ABCC4: variants seen among roughly 807,000 people sequenced by gnomAD.
The protein encoded by ABCC4 is ATP-binding cassette sub-family C member 4.
In ABCC4, 102 loss-of-function variants were observed where a neutral mutation model predicts 168.5. The observed-to-expected ratio is 0.61, with a 90% CI of 0.52 to 0.71. The LOEUF is 0.71. Among genes scored for constraint, ABCC4 ranks in the 30% least tolerant of loss-of-function variants. ABCC4 has a pLI of 0.00. For synonymous variants in ABCC4, 617 were observed against 590.7 expected, an observed-to-expected ratio of 1.04 and a Z score of -0.65; for missense variants, 1,402 against 1,605.8, an observed-to-expected ratio of 0.87 and a Z score of 2.17.
At chr13:95,070,277 T>C (rs1209721569) in intron 25 of ABCC4, among the ~76,000 whole-genome samples, 1 of 152,034 alleles carries the variant, frequency 6.6e-6, no homozygotes, top group African/African-American at 2.4e-5. Flanking sequence ...GTGGAGAATA[T>C]AGTTTCAAAG....
intron 20 of ABCC4, among the ~76,000 whole-genome samples, chr13:95,085,769 A>G (rs539101683): frequency 3.9e-4 from 59 of 152,318 alleles, no homozygotes; most frequent in Middle Eastern, 6.8e-3. Context: ...AAAACCAAGA[A>G]GAGGCAACAT....
chr13:95,150,023 G>A (rs1053750658), intron 19 of ABCC4, among the ~76,000 whole-genome samples: 1 of 152,170 alleles, frequency 6.6e-6, no homozygotes, highest in Admixed American at 6.5e-5. Context: ...CTAGGCTTGG[G>A]GGGGCAATAC....
rs913674544 is a variant in ABCC4, at chr13:95,188,945, G to A, written c.1264-403C>T. 7.2e-5 allele frequency among the ~76,000 whole-genome samples: 11 copies of A among 152,056 alleles called. 1 individual carries two copies. In the South Asian group the frequency reaches 1.0e-3, roughly 14 times the overall value. The stretch of plus-strand genomic sequence containing the variant: ...CAGAACGTGCAGGTTTGTTACATAG[G>A]TATACATGTGCCATGGTGGTTTGCT... On this transcript the variant is annotated intron_variant, in intron 9 of 30. Transcript: ENST00000645237.
chr13:95,291,170 A>G (rs1278960920), intron 1 of ABCC4, among the ~76,000 whole-genome samples: 4 of 151,924 alleles, frequency 2.6e-5, no homozygotes, highest in African/African-American at 7.3e-5. Context: ...TCTGGGCAAC[A>G]TGGCAAAACC....
intron 1 of ABCC4, among the ~76,000 whole-genome samples, chr13:95,252,481 GA>G (rs1362364404): frequency 4.6e-5 from 7 of 152,106 alleles, no homozygotes; most frequent in Non-Finnish European, 7.4e-5. Context: ...TTCAAAACCA[GA>G]CTGGCCAGCA....
intron 3 of ABCC4, among the ~76,000 whole-genome samples, chr13:95,241,650 A>G (rs191543619): frequency 2.0e-5 from 3 of 152,266 alleles, no homozygotes; most frequent in African/African-American, 7.2e-5. Flanking sequence ...TGTTCTAATT[A>G]GCATTTGCCT....
At chr13:95,170,007 C>G (rs1044294144) in intron 14 of ABCC4, among the ~76,000 whole-genome samples, 1 of 152,132 alleles carries the variant, frequency 6.6e-6, no homozygotes, top group African/African-American at 2.4e-5. Flanking sequence ...CAAGTGTGCA[C>G]CATCATGCTG....
At chr13:95,039,951 G>A (rs1420171094) in intron 29 of ABCC4, among the ~76,000 whole-genome samples, 2 of 152,142 alleles carry the variant, frequency 1.3e-5, no homozygotes, top group African/African-American at 4.8e-5. Flanking sequence ...GGGTGGGAGG[G>A]TTTCCATTTC....
intron 19 of ABCC4, among the ~76,000 whole-genome samples, chr13:95,150,466 A>C (rs995866572): frequency 6.6e-6 from 1 of 152,076 alleles, no homozygotes; most frequent in Non-Finnish European, 1.5e-5. Flanking sequence ...CCTCTCAAAA[A>C]TGTCCTGTTT....
chr13:95,108,297 G>T (rs1292793715), intron 20 of ABCC4, among the ~76,000 whole-genome samples: 1 of 152,152 alleles, frequency 6.6e-6, no homozygotes, highest in East Asian at 1.9e-4. Flanking sequence ...AGATGGGTGG[G>T]CACCAGATGA....
intron 4 of ABCC4, among the ~76,000 whole-genome samples, chr13:95,229,721 G>T: frequency 6.6e-6 from 1 of 152,174 alleles, no homozygotes. Flanking sequence ...TTCCATCGTA[G>T]GTCTAGCATT....
intron 4 of ABCC4, among the ~76,000 whole-genome samples, chr13:95,215,582 T>C (rs1380198915): frequency 6.6e-6 from 1 of 152,128 alleles, no homozygotes; most frequent in Non-Finnish European, 1.5e-5. Flanking sequence ...GGTAAAATAG[T>C]CCTTATGTTG....
At chr13:95,103,658 G>A (rs541446112) in intron 20 of ABCC4, among the ~76,000 whole-genome samples, 1 of 152,270 alleles carries the variant, frequency 6.6e-6, no homozygotes, top group South Asian at 2.1e-4. Context: ...TGACCTGGAT[G>A]TCCTAAAGAG....
chr13:95,194,590 A>G (rs2038357230), intron 9 of ABCC4, among the ~76,000 whole-genome samples: 1 of 152,222 alleles, frequency 6.6e-6, no homozygotes, highest in Non-Finnish European at 1.5e-5. Flanking sequence ...GTTTAGAACG[A>G]GGTAACACTT....
At chr13:95,159,289 T>C (rs183171799) in intron 19 of ABCC4, among the ~76,000 whole-genome samples, 1 of 151,764 alleles carries the variant, frequency 6.6e-6, no homozygotes, top group African/African-American at 2.4e-5. Flanking sequence ...TTTTTCAACA[T>C]CTACCACTAA....
intron 1 of ABCC4, among the ~76,000 whole-genome samples, chr13:95,267,823 G>A (rs1174352030): frequency 6.6e-6 from 1 of 152,204 alleles, no homozygotes; most frequent in African/African-American, 2.4e-5. Flanking sequence ...CCAATCCTGT[G>A]ATGAGAGGGC....
chr13:95,152,062 C>CA (rs2036706764), intron 19 of ABCC4, among the ~76,000 whole-genome samples: 1 of 151,854 alleles, frequency 6.6e-6, no homozygotes, highest in Non-Finnish European at 1.5e-5. Flanking sequence ...ACTAAACCCC[C>CA]AAAAAAGTTA....
intron 20 of ABCC4, among the ~76,000 whole-genome samples, chr13:95,114,218 G>C (rs948632492): frequency 6.6e-6 from 1 of 152,152 alleles, no homozygotes; most frequent in African/African-American, 2.4e-5. Context: ...AACGAGACTA[G>C]AATTTTCCCT....
intron 9 of ABCC4, among the ~76,000 whole-genome samples, chr13:95,191,290 C>T (rs1035003310): frequency 6.6e-6 from 1 of 152,136 alleles, no homozygotes; most frequent in Non-Finnish European, 1.5e-5. Flanking sequence ...TGGTCAAATG[C>T]TAAAATATGT....
Sources: allele counts gnomAD v4.1 joint callset (sites outside exome capture counted in the v4.1 genomes callset), GRCh38; gene constraint gnomAD v4.1.1; transcripts MANE v1.5; gene names NCBI Gene and HGNC (gene_info 2026-07-23, HGNC 2026-07-21).